The following GTF2E1 variants were observed in gnomAD, a reference collection of about 807,000 sequenced individuals.
The protein encoded by GTF2E1 is general transcription factor IIE subunit 1.
GTF2E1 carries 14 observed loss-of-function variants against 34.9 expected under a neutral mutation model. The observed-to-expected ratio is 0.40, with a 90% confidence interval of 0.27 to 0.63. The LOEUF is 0.63. Ranked by LOEUF, GTF2E1 falls within the 20% of genes least tolerant of loss-of-function variation. GTF2E1 has a pLI of 0.39. For missense variants in GTF2E1, 469 were observed against 557.7 expected (o/e 0.84, Z 1.60); for synonymous variants, 188 against 192.9 (o/e 0.97, Z 0.21).
intron 2 of GTF2E1, among the ~76,000 whole-genome samples, chr3:120,754,971 A>G (rs1463646811): frequency 6.6e-6 from 1 of 152,138 alleles, no homozygotes; most frequent in African/African-American, 2.4e-5. Flanking sequence ...AGGGGTATAT[A>G]CATTGCTAGG....
At chr3:120,772,242 A>T (rs536804957) in intron 3 of GTF2E1, among the ~76,000 whole-genome samples, 1 of 152,130 alleles carries the variant, frequency 6.6e-6, no homozygotes, top group Non-Finnish European at 1.5e-5. Flanking sequence ...ACTGGCTGCA[A>T]TTGTTTTATA....
Position 120,776,433 on chromosome 3 carries a change from G to A in GTF2E1, c.661G>A (p.Ala221Thr). Residue 221 changes from alanine (A) to threonine (T), a missense_variant, in exon 4 of 5, where the codon GCA becomes ACA. Physicochemically the swap from Ala to Thr is moderately conservative, Grantham distance 58. Coordinates refer to ENST00000283875, the MANE Select transcript of GTF2E1 (RefSeq NM_005513.3). ...IPALKQSKDHAATTAGAASLA... is the reference protein window; with the variant it reads ...IPALKQSKDHTATTAGAASLA... ...ATTCTTTTTATATAGCAAGGACCAT[G>A]CAGCAACTACTGCTGGAGCTGCTAG... 1 of 1,612,986 alleles carries A rather than the reference G, an allele frequency of 6.2e-7. No individual in the cohort carries two copies. The highest frequency in any genetic ancestry group is 8.5e-7 in the Non-Finnish European group (1 of 1,179,506).
chr3:120,758,218 A>C (rs1709226784), intron 2 of GTF2E1, among the ~76,000 whole-genome samples: 1 of 152,136 alleles, frequency 6.6e-6, no homozygotes, highest in South Asian at 2.1e-4. Flanking sequence ...GTAGAGAGGT[A>C]TGTAAACTAA....
At chr3:120,758,185 A>T (rs967688847) in intron 2 of GTF2E1, among the ~76,000 whole-genome samples, 1 of 152,176 alleles carries the variant, frequency 6.6e-6, no homozygotes, top group African/African-American at 2.4e-5. Flanking sequence ...TATATGAATG[A>T]AAACTTGGTA....
At chr3:120,758,311 C>T (rs11709661) in intron 2 of GTF2E1, among the ~76,000 whole-genome samples, 73,057 of 151,968 alleles carry the variant, frequency 0.48, 18,903 homozygotes, top group Non-Finnish European at 0.59. Context: ...AGAGAAACTA[C>T]GAAGTTTTTG....
chr3:120,762,763 T>G (rs2107609304), intron 2 of GTF2E1, among the ~76,000 whole-genome samples: 1 of 152,322 alleles, frequency 6.6e-6, no homozygotes, highest in African/African-American at 2.4e-5. Context: ...GGGCAAATCC[T>G]GTAACCATTC....
chr3:120,760,730 T>A (rs1709252889), intron 2 of GTF2E1, among the ~76,000 whole-genome samples: 1 of 152,206 alleles, frequency 6.6e-6, no homozygotes, highest in South Asian at 2.1e-4. Flanking sequence ...ATTACATTTA[T>A]TGATTTGCAT....
chr3:120,760,875 C>T (rs954963150), intron 2 of GTF2E1, among the ~76,000 whole-genome samples: 5 of 151,982 alleles, frequency 3.3e-5, no homozygotes, highest in African/African-American at 1.2e-4. Flanking sequence ...GGAATATTGG[C>T]CTAAAATTCT....
intron 2 of GTF2E1, among the ~76,000 whole-genome samples, chr3:120,752,513 A>T (rs896868285): frequency 6.6e-6 from 1 of 152,174 alleles, no homozygotes; most frequent in African/African-American, 2.4e-5. Context: ...TTTATTTGTC[A>T]TTTGAGTCAT....
At chr3:120,778,395 G>C (rs920216810) in intron 4 of GTF2E1, among the ~76,000 whole-genome samples, 1 of 152,184 alleles carries the variant, frequency 6.6e-6, no homozygotes, top group African/African-American at 2.4e-5. Flanking sequence ...TCCAGTGAAT[G>C]TATGAAGTGG....
intron 4 of GTF2E1, among the ~76,000 whole-genome samples, chr3:120,777,768 T>G (rs958368221): frequency 5.1e-4 from 77 of 152,172 alleles, no homozygotes; most frequent in African/African-American, 1.9e-3. Flanking sequence ...CTCTGTTGCC[T>G]AGGTTGGAGT....
chr3:120,761,758 A>G (rs1252129445), intron 2 of GTF2E1, among the ~76,000 whole-genome samples: 1 of 148,752 alleles, frequency 6.7e-6, no homozygotes, highest in African/African-American at 2.5e-5. Context: ...CCTGAGTTCT[A>G]ATTTGATTAC....
intron 1 of GTF2E1, among the ~76,000 whole-genome samples, chr3:120,747,033 A>G (rs1202349906): frequency 6.6e-6 from 1 of 151,980 alleles, no homozygotes. Flanking sequence ...TTTGCTCAGG[A>G]TTACACAGTT....
chr3:120,746,792 T>C (rs1709109605), intron 1 of GTF2E1, among the ~76,000 whole-genome samples: 1 of 152,046 alleles, frequency 6.6e-6, no homozygotes, highest in African/African-American at 2.4e-5. Flanking sequence ...AGCAAGACAC[T>C]CTCTCTATGA....
At chr3:120,755,411 T>C (rs1227373012) in intron 2 of GTF2E1, among the ~76,000 whole-genome samples, 1 of 152,202 alleles carries the variant, frequency 6.6e-6, no homozygotes, top group Non-Finnish European at 1.5e-5. Flanking sequence ...AGAGTTTGCC[T>C]TCATAGGGCA....
At position 120,770,871 on chromosome 3, in the gene GTF2E1, A is replaced by G; in HGVS notation, c.592A>G (p.Asn198Asp). ...ATTGCTTCGGGAGACAGAGGATGTGAACTTGGCCTATGAAATACTTGAGCC... is the reference window on the plus strand; with the variant it reads ...ATTGCTTCGGGAGACAGAGGATGTGGACTTGGCCTATGAAATACTTGAGCC... ...YALLRETEDV[N>D]LAYEILEPEP... is the part of the protein sequence containing the mutation. The change falls in exon 3 of 5, where the codon AAC becomes GAC. Residue 198 changes from asparagine (N) to aspartate (D), a missense_variant. By Grantham distance (23) the Asn-to-Asp change is conservative (BLOSUM62 1). Coordinates refer to ENST00000283875, the MANE Select transcript of GTF2E1 (RefSeq NM_005513.3). The G allele has an allele frequency of 6.2e-7, 1 of 1,613,638 alleles. No homozygotes were observed. The highest frequency in any genetic ancestry group is 8.5e-7 in the Non-Finnish European group (1 of 1,179,624).
rs770076684 is a variant in GTF2E1 at position 120,750,642 on chromosome 3, T to C, written c.90T>C (p.His30=). The change falls in exon 2 of 5, where the codon CAT becomes CAC. Residue 30 remains histidine, a synonymous_variant. Transcript: ENST00000283875. ...TCCGGGGATTTTATGGCATTGAGCA[T>C]GCCTTGGCCTTGGACATCTTGATCA... The part of the protein sequence containing the change: ...YVIRGFYGIE[H]ALALDILIRN... 6.2e-7 allele frequency: 1 copy of C among 1,614,054 alleles called. No individual in the cohort carries two copies. Among genetic ancestry groups the C allele is most frequent in the South Asian group, 1.1e-5 (1 of 91,082 alleles).
Position 120,781,593 on chromosome 3 carries a change from C to T in GTF2E1, c.*123C>T, listed in dbSNP as rs1709448499. ...ATGTAAGCAACTGTCCATCCTTGTG[C>T]AAAGATTGATGGTAGAGAGTTTGAC... is the stretch of plus-strand genomic sequence containing the variant. On this transcript the variant is annotated 3_prime_UTR_variant, in exon 5 of 5. Coordinates refer to ENST00000283875, the MANE Select transcript of GTF2E1 (RefSeq NM_005513.3). 3 of 745,868 alleles carry T rather than the reference C, an allele frequency of 4.0e-6. No homozygotes were observed. The highest frequency in any genetic ancestry group is 6.6e-6 in the Non-Finnish European group (3 of 456,678). 46.2% of individuals were successfully genotyped at this position (745,868 alleles called of 1,614,324 possible).
intron 2 of GTF2E1, among the ~76,000 whole-genome samples, chr3:120,761,168 A>G (rs1709259640): frequency 6.6e-6 from 1 of 152,118 alleles, no homozygotes; most frequent in Admixed American, 6.5e-5. Context: ...GTGTCCAGGA[A>G]TTTATCCATT....
Sources: allele counts gnomAD v4.1 joint callset (sites outside exome capture counted in the v4.1 genomes callset), GRCh38; gene constraint gnomAD v4.1.1; transcripts MANE v1.5; gene names NCBI Gene and HGNC (gene_info 2026-07-23, HGNC 2026-07-21).